The following POU6F2 variants were observed in gnomAD, a reference collection of about 807,000 sequenced individuals.
The protein encoded by POU6F2 is POU class 6 homeobox 2, also known as POU domain, class 6, transcription factor 2.
A neutral mutation model predicts 71.3 loss-of-function variants in POU6F2; 31 were observed. The ratio of observed to expected loss-of-function variants is 0.43; its 90% CI spans 0.33 to 0.59. The LOEUF (loss-of-function observed/expected upper bound fraction) is 0.59, where lower values mean the gene tolerates loss of function less well. Among genes scored for constraint, POU6F2 ranks in the 20% least tolerant of loss-of-function variants. POU6F2 has a pLI of 0.04. For synonymous variants in POU6F2, 347 were observed against 355.7 expected, an observed-to-expected ratio of 0.98 and a Z score of 0.27; for missense variants, 783 against 856.8, an observed-to-expected ratio of 0.91 and a Z score of 1.07.
chr7:39,224,531 G>C (rs73126436), intron 4 of POU6F2, among the ~76,000 whole-genome samples: 12,769 of 152,258 alleles, frequency 0.084, 684 homozygotes, highest in Middle Eastern at 0.14. Flanking sequence ...GCTACTGAGA[G>C]TTCAGTGGGT....
chr7:39,057,964 C>G (rs185379850), intron 1 of POU6F2, among the ~76,000 whole-genome samples: 1 of 152,164 alleles, frequency 6.6e-6, no homozygotes, highest in Non-Finnish European at 1.5e-5. Context: ...TTTCTGTCCA[C>G]CAGGCTCCTG....
chr7:39,333,343 C>T (rs1785697473), intron 4 of POU6F2, among the ~76,000 whole-genome samples: 1 of 152,170 alleles, frequency 6.6e-6, no homozygotes, highest in South Asian at 2.1e-4. Context: ...ACAAAAGGCA[C>T]TAAAGAACAC....
At chr7:39,424,858 T>C (rs1260160990) in intron 6 of POU6F2, among the ~76,000 whole-genome samples, 1 of 150,956 alleles carries the variant, frequency 6.6e-6, no homozygotes, top group African/African-American at 2.4e-5. Flanking sequence ...CTCCAGAGTG[T>C]GGAGTGTGCT....
intron 7 of POU6F2, among the ~76,000 whole-genome samples, chr7:39,437,835 T>C (rs1397448657): frequency 1.3e-5 from 2 of 152,222 alleles, no homozygotes; most frequent in Admixed American, 1.3e-4. Flanking sequence ...TTGTTCTCAT[T>C]AGTTTCAAAG....
At chr7:39,144,312 A>C (rs983912745) in intron 2 of POU6F2, among the ~76,000 whole-genome samples, 1 of 152,252 alleles carries the variant, frequency 6.6e-6, no homozygotes, top group Non-Finnish European at 1.5e-5. Flanking sequence ...TATTTTAAAA[A>C]GTTTCTCATA....
chr7:38,994,405 A>G (rs1173192343), intron 1 of POU6F2, among the ~76,000 whole-genome samples: 3 of 152,148 alleles, frequency 2.0e-5, no homozygotes, highest in Non-Finnish European at 4.4e-5. Flanking sequence ...GGGAAGGATA[A>G]TTCTGCATGG....
chr7:39,458,969 C>T (rs1562560705), intron 8 of POU6F2, among the ~76,000 whole-genome samples: 1 of 152,144 alleles, frequency 6.6e-6, no homozygotes, highest in Non-Finnish European at 1.5e-5. Context: ...CTCTGCACAC[C>T]CGGTGTGGAT....
intron 2 of POU6F2, among the ~76,000 whole-genome samples, chr7:39,108,285 T>TG (rs1333376059): frequency 6.6e-6 from 1 of 151,678 alleles, no homozygotes; most frequent in African/African-American, 2.4e-5. Flanking sequence ...ATTATTTTTT[T>TG]TTTTGCTCTT....
chr7:39,343,998 G>A (rs1785977683), intron 5 of POU6F2, among the ~76,000 whole-genome samples: 1 of 152,162 alleles, frequency 6.6e-6, no homozygotes, highest in Non-Finnish European at 1.5e-5. Flanking sequence ...ATCTTAGCCA[G>A]AGAGTCCAAA....
At chr7:39,138,442 C>T (rs1445869300) in intron 2 of POU6F2, among the ~76,000 whole-genome samples, 1 of 152,210 alleles carries the variant, frequency 6.6e-6, no homozygotes, top group African/African-American at 2.4e-5. Context: ...AACTCTTCAT[C>T]ACTCACATTA....
chr7:39,313,566 T>G (rs1182365395), intron 4 of POU6F2, among the ~76,000 whole-genome samples: 5 of 152,126 alleles, frequency 3.3e-5, no homozygotes, highest in African/African-American at 7.2e-5. Context: ...ATTTATTTAG[T>G]GAATAAATAA....
chr7:39,343,823 A>G (rs764575673), intron 5 of POU6F2, among the ~76,000 whole-genome samples: 6 of 152,160 alleles, frequency 3.9e-5, no homozygotes, highest in Non-Finnish European at 7.3e-5. Flanking sequence ...TCTCAATGTT[A>G]GTAGGCCTCT....
chr7:39,418,689 CAAA>C (rs1432505687), intron 6 of POU6F2, among the ~76,000 whole-genome samples: 2 of 119,176 alleles, frequency 1.7e-5, no homozygotes, highest in Admixed American at 1.8e-4. Context: ...GACTCTGTCT[CAAA>C]AAAAAAAAAA....
intron 1 of POU6F2, among the ~76,000 whole-genome samples, chr7:39,033,227 A>G (rs1271735255): frequency 1.3e-5 from 2 of 152,232 alleles, no homozygotes; most frequent in Non-Finnish European, 2.9e-5. Flanking sequence ...CCAACAACAC[A>G]TCTTGTGGCT....
intron 4 of POU6F2, among the ~76,000 whole-genome samples, chr7:39,220,090 A>G (rs1794318803): frequency 6.6e-6 from 1 of 152,216 alleles, no homozygotes; most frequent in Non-Finnish European, 1.5e-5. Context: ...AGGTGTCAGC[A>G]CAGATGAAAT....
At chr7:39,444,813 T>C (rs1383042671) in intron 7 of POU6F2, among the ~76,000 whole-genome samples, 2 of 152,192 alleles carry the variant, frequency 1.3e-5, no homozygotes, top group East Asian at 3.8e-4. Context: ...AATTAGTAGT[T>C]TCTTCATAAG....
chr7:39,312,868 G>T (rs376052473), intron 4 of POU6F2, among the ~76,000 whole-genome samples: 1 of 152,266 alleles, frequency 6.6e-6, no homozygotes, highest in East Asian at 1.9e-4. Flanking sequence ...AGAGTGGGAC[G>T]GTGTGAGATT....
intron 1 of POU6F2, among the ~76,000 whole-genome samples, chr7:38,978,422 G>A (rs1269352069): frequency 6.6e-6 from 1 of 152,188 alleles, no homozygotes; most frequent in Non-Finnish European, 1.5e-5. Flanking sequence ...TTCCTAGGTA[G>A]TAGTTAATAT....
chr7:39,011,558 CT>C (rs1339283002), intron 1 of POU6F2, among the ~76,000 whole-genome samples: 3 of 141,626 alleles, frequency 2.1e-5, no homozygotes, highest in Non-Finnish European at 4.7e-5. Flanking sequence ...GAATTTGATC[CT>C]GTCATTATGA....
Sources: gnomAD v4.1 joint callset for allele counts (sites outside exome capture counted in the v4.1 genomes callset) on GRCh38, gnomAD v4.1.1 for gene constraint, MANE v1.5 for transcripts, NCBI Gene and HGNC (gene_info 2026-07-23, HGNC 2026-07-21) for gene names.